The following ADARB2 variants were observed in gnomAD, a reference collection of about 807,000 sequenced individuals.
ADARB2 encodes the protein inactive double-stranded RNA-specific editase B2.
ADARB2 carries 25 observed loss-of-function variants against 62.2 expected under a neutral mutation model. The observed-to-expected ratio is 0.40, with a 90% CI of 0.29 to 0.56. ADARB2 has a LOEUF of 0.56. ADARB2 is among the 20% of genes least tolerant of loss of function. ADARB2 has a pLI of 0.43. For synonymous variants in ADARB2, 572 were observed against 500.8 expected (o/e 1.14, Z -1.90); for missense variants, 1,071 against 1,077.4 (o/e 0.99, Z 0.08).
At chr10:1,365,449 A>G (rs1173445309) in intron 2 of ADARB2, among the ~76,000 whole-genome samples, 2 of 152,130 alleles carry the variant, frequency 1.3e-5, no homozygotes, top group Non-Finnish European at 2.9e-5. Context: ...CTAAGTGTTT[A>G]GTGAAAGGAA....
At chr10:1,195,389 G>T (rs201888965) in intron 8 of ADARB2, among the ~76,000 whole-genome samples, 7 of 103,672 alleles carry the variant, frequency 6.8e-5, no homozygotes, top group South Asian at 6.2e-4. Flanking sequence ...GCTGTACACA[G>T]TTTTTTTTTT....
chr10:1,710,277 T>A (rs1834934857), intron 1 of ADARB2, among the ~76,000 whole-genome samples: 1 of 152,192 alleles, frequency 6.6e-6, no homozygotes, highest in South Asian at 2.1e-4. Context: ...TGAGTCTTAA[T>A]AATGGATCCC....
intron 1 of ADARB2, chr10:1,556,931 C>T (rs1468561561): frequency 4.5e-6 from 2 of 444,896 alleles, no homozygotes; most frequent in Admixed American, 2.6e-5. Flanking sequence ...TTGGTGACCT[C>T]AATATTTATG....
chr10:1,733,193 G>T lies in ADARB2; in HGVS notation c.100+3858C>A, dbSNP rs58858256. On this transcript the variant is annotated intron_variant, in intron 1 of 9. Transcript: ENST00000381312. Reference sequence around the variant, plus strand: ...CTTTCCACTCTGTGAAGATTGACACGCCGCTTCTAAAACCCCAGCCTCCAA... The same window carrying T: ...CTTTCCACTCTGTGAAGATTGACACTCCGCTTCTAAAACCCCAGCCTCCAA... Among the ~76,000 whole-genome samples the T allele has an allele frequency of 2.4e-3, 365 of 152,204 alleles. 3 individuals carry two copies. Among genetic ancestry groups the T allele is most frequent in the African/African-American group, 8.5e-3 (352 of 41,536 alleles).
At chr10:1,232,487 A>G (rs1210993483) in intron 6 of ADARB2, among the ~76,000 whole-genome samples, 1 of 145,110 alleles carries the variant, frequency 6.9e-6, no homozygotes, top group Non-Finnish European at 1.5e-5. Flanking sequence ...CGTGTAGTGT[A>G]CATGCTATGC....
intron 1 of ADARB2, among the ~76,000 whole-genome samples, chr10:1,553,074 C>T (rs1489277722): frequency 6.6e-6 from 1 of 151,980 alleles, no homozygotes; most frequent in East Asian, 1.9e-4. Flanking sequence ...GAGACCCTGC[C>T]CCATTGCTGG....
At chr10:1,515,917 C>T (rs1832002986) in intron 1 of ADARB2, among the ~76,000 whole-genome samples, 1 of 152,242 alleles carries the variant, frequency 6.6e-6, no homozygotes, top group Non-Finnish European at 1.5e-5. Flanking sequence ...ATCACCTCTC[C>T]AAATTCTTGC....
At chr10:1,432,717 T>TGCTTATTCAAA (rs1830789103) in intron 1 of ADARB2, among the ~76,000 whole-genome samples, 1 of 151,938 alleles carries the variant, frequency 6.6e-6, no homozygotes, top group African/African-American at 2.4e-5. Flanking sequence ...AATATGAATA[T>TGCTTATTCAAA]GCTTATTCAA....
At chr10:1,531,043 A>G (rs1023850257) in intron 1 of ADARB2, among the ~76,000 whole-genome samples, 1 of 152,126 alleles carries the variant, frequency 6.6e-6, no homozygotes, top group South Asian at 2.1e-4. Flanking sequence ...ATTAGGTTAG[A>G]TCCTCGAATG....
chr10:1,637,285 C>T (rs1401436200), intron 1 of ADARB2, among the ~76,000 whole-genome samples: 1 of 152,186 alleles, frequency 6.6e-6, no homozygotes, highest in East Asian at 1.9e-4. Context: ...ACCTTGCCAG[C>T]TCGGAGTGGG....
intron 3 of ADARB2, among the ~76,000 whole-genome samples, chr10:1,275,898 G>A (rs1393945752): frequency 1.3e-5 from 2 of 151,852 alleles, no homozygotes; most frequent in African/African-American, 4.8e-5. Context: ...TCTTAATCCA[G>A]TCTATCATTG....
intron 1 of ADARB2, among the ~76,000 whole-genome samples, chr10:1,665,817 T>C (rs1351365501): frequency 6.6e-6 from 1 of 152,198 alleles, no homozygotes; most frequent in Non-Finnish European, 1.5e-5. Flanking sequence ...CTCAGGCCAG[T>C]GGCATGGATG....
At chr10:1,611,011 T>C (rs1330889621) in intron 1 of ADARB2, among the ~76,000 whole-genome samples, 1 of 152,140 alleles carries the variant, frequency 6.6e-6, no homozygotes, top group African/African-American at 2.4e-5. Flanking sequence ...AGGAAATACA[T>C]ATGGTCCATA....
intron 1 of ADARB2, among the ~76,000 whole-genome samples, chr10:1,386,932 T>A (rs1832530359): frequency 6.6e-6 from 1 of 151,914 alleles, no homozygotes; most frequent in Non-Finnish European, 1.5e-5. Flanking sequence ...CTGGCCACAA[T>A]ATAGTTATGT....
chr10:1,644,275 C>T (rs1016981448), intron 1 of ADARB2, among the ~76,000 whole-genome samples: 4 of 152,242 alleles, frequency 2.6e-5, no homozygotes, highest in Admixed American at 6.5e-5. Flanking sequence ...TGATTTACTG[C>T]GCTGGGAACA....
In ADARB2 at chr10:1,363,848, C is replaced by T. The variant is rs766449261; in HGVS notation, c.257G>A (p.Gly86Glu). 6.5e-7 allele frequency: 1 copy of T among 1,540,058 alleles called. No individual in the cohort carries two copies. Among genetic ancestry groups the T allele is most frequent in the Non-Finnish European group, 8.7e-7 (1 of 1,151,640 alleles). Residue 86 changes from glycine (G) to glutamate (E), a missense_variant, in exon 3 of 10, where the codon GGG (glycine) becomes GAG (glutamate). Coordinates refer to ENST00000381312, the MANE Select transcript of ADARB2 (RefSeq NM_018702.4). ...GGGCGCGCCGCCCCGGGCCCGGTCCCCGGAGGGCGGTGGCCGCGCGGCCAG... is the reference window on the plus strand; with the variant it reads ...GGGCGCGCCGCCCCGGGCCCGGTCCTCGGAGGGCGGTGGCCGCGCGGCCAG... ...GNLAARPPPS[G>E]DRARGGAPGA...
At chr10:1,598,934 C>T (rs371365833) in intron 1 of ADARB2, among the ~76,000 whole-genome samples, 13 of 152,196 alleles carry the variant, frequency 8.5e-5, no homozygotes, top group East Asian at 1.9e-4. Context: ...AGCCCAGGGC[C>T]GCGGTGCACA....
intron 1 of ADARB2, among the ~76,000 whole-genome samples, chr10:1,469,991 C>T (rs568844854): frequency 6.6e-6 from 1 of 151,994 alleles, no homozygotes; most frequent in Admixed American, 6.5e-5. Flanking sequence ...ATGAGGCCGG[C>T]GTGCCTGGGA....
chr10:1,504,345 AT>A (rs1203034516), intron 1 of ADARB2, among the ~76,000 whole-genome samples: 1 of 152,056 alleles, frequency 6.6e-6, no homozygotes, highest in Non-Finnish European at 1.5e-5. Context: ...CAACACTTTC[AT>A]TTTTCCAACA....
Sources: allele counts gnomAD v4.1 joint callset (sites outside exome capture counted in the v4.1 genomes callset), GRCh38; gene constraint gnomAD v4.1.1; transcripts MANE v1.5; gene names NCBI Gene and HGNC (gene_info 2026-07-23, HGNC 2026-07-21).